The following CLIC5 variants were observed in gnomAD, a reference collection of about 807,000 sequenced individuals.
CLIC5 encodes chloride intracellular channel protein 5.
Under a neutral mutation model 24.7 loss-of-function variants are expected in CLIC5, and 20 were observed. That is an observed-to-expected ratio of 0.81 (90% CI 0.57 to 1.18). The LOEUF is 1.18. Ranked by LOEUF, CLIC5 falls within the 50% of genes most tolerant of loss-of-function variation. CLIC5 has a pLI of 0.00. For missense variants in CLIC5, 341 were observed against 326.1 expected, an observed-to-expected ratio of 1.05 and a Z score of -0.35; for synonymous variants, 159 against 135.6, an observed-to-expected ratio of 1.17 and a Z score of -1.20.
At chr6:45,978,057 T>C (rs755850416) in intron 1 of CLIC5, among the ~76,000 whole-genome samples, 49 of 152,192 alleles carry the variant, frequency 3.2e-4, no homozygotes, top group Non-Finnish European at 5.4e-4. Flanking sequence ...CTTACTAGGG[T>C]TGTAATCTTG....
the CLIC5 span, among the ~76,000 whole-genome samples, chr6:46,102,352 C>T: frequency 8.5e-5 from 13 of 152,216 alleles, no homozygotes; most frequent in Non-Finnish European, 1.5e-4. Flanking sequence ...AGCAGCGTTC[C>T]TTCCTTCTGG....
upstream of CLIC5, among the ~76,000 whole-genome samples, chr6:46,085,093 C>T (rs1265350314): frequency 2.0e-5 from 3 of 152,212 alleles, no homozygotes; most frequent in Non-Finnish European, 2.9e-5. Context: ...GCATTCTTCA[C>T]GTAGTTCTGG....
chr6:46,092,248 C>T, the CLIC5 span, among the ~76,000 whole-genome samples: 169 of 152,216 alleles, frequency 1.1e-3, no homozygotes, highest in East Asian at 4.2e-3. Context: ...CCAAAACCCA[C>T]GTTTTCACAC....
chr6:46,087,676 T>C, the CLIC5 span, among the ~76,000 whole-genome samples: 1 of 151,928 alleles, frequency 6.6e-6, no homozygotes, highest in Non-Finnish European at 1.5e-5. Context: ...CTCTAACACT[T>C]CTCTAGAACC....
At chr6:46,007,976 T>C (rs1766650889) in intron 1 of CLIC5, among the ~76,000 whole-genome samples, 1 of 151,880 alleles carries the variant, frequency 6.6e-6, no homozygotes, top group Non-Finnish European at 1.5e-5. Context: ...GCAATTTTGT[T>C]ACATGCATAG....
upstream of CLIC5, among the ~76,000 whole-genome samples, chr6:46,020,434 G>C (rs1448363761): frequency 6.6e-6 from 1 of 152,008 alleles, no homozygotes; most frequent in Non-Finnish European, 1.5e-5. Flanking sequence ...GCAACGCTTA[G>C]TAGAAATTTA....
At chr6:46,104,317 C>T in the CLIC5 span, among the ~76,000 whole-genome samples, 1 of 151,966 alleles carries the variant, frequency 6.6e-6, no homozygotes, top group Non-Finnish European at 1.5e-5. Context: ...TTGTCTCCAC[C>T]ATCTGGGGGG....
chr6:46,047,441 A>G lies in CLIC5; in HGVS notation c.540+32262T>C, dbSNP rs572944500. 2.0e-5 allele frequency among the ~76,000 whole-genome samples: 3 copies of G among 152,218 alleles called. No homozygotes were observed. In the South Asian group the frequency reaches 6.2e-4, roughly 32 times the overall value. On this transcript the variant is annotated intron_variant, in intron 1 of 5. Transcript: ENST00000185206. ...GAAATATGCAGGATATGAAGATTGA[A>G]ATTTGAAAGATATAGAGCTAGAAGC... is the stretch of plus-strand genomic sequence containing the variant.
At chr6:45,927,876 G>T (rs1344438500) in intron 4 of CLIC5, among the ~76,000 whole-genome samples, 1 of 152,080 alleles carries the variant, frequency 6.6e-6, no homozygotes, top group Non-Finnish European at 1.5e-5. Context: ...TGTTACAGGG[G>T]TCCCTTCCAA....
upstream of CLIC5, among the ~76,000 whole-genome samples, chr6:46,017,010 T>C (rs1025125864): frequency 6.6e-6 from 1 of 152,220 alleles, no homozygotes; most frequent in African/African-American, 2.4e-5. Context: ...CTATCAAACA[T>C]CTTTTGGTTG....
chr6:45,919,367 G>A (rs1361213), intron 4 of CLIC5, among the ~76,000 whole-genome samples: 1,785 of 152,258 alleles, frequency 0.012, 20 homozygotes, highest in Admixed American at 0.03. Flanking sequence ...TCCTTCCAGA[G>A]TAACCATGGG....
chr6:45,907,529 T>G (rs1176114700), intron 5 of CLIC5, among the ~76,000 whole-genome samples: 1 of 152,174 alleles, frequency 6.6e-6, no homozygotes, highest in Non-Finnish European at 1.5e-5. Flanking sequence ...ATCAGGGTGG[T>G]GCTAGCTTCA....
intron 1 of CLIC5, among the ~76,000 whole-genome samples, chr6:45,955,620 A>G (rs898040686): frequency 2.6e-5 from 4 of 152,060 alleles, no homozygotes; most frequent in African/African-American, 9.7e-5. Context: ...ATCTCCACTG[A>G]CCAGTCAGTT....
intron 3 of CLIC5, among the ~76,000 whole-genome samples, chr6:45,943,854 G>A (rs1184501451): frequency 6.6e-6 from 1 of 152,184 alleles, no homozygotes; most frequent in Non-Finnish European, 1.5e-5. Flanking sequence ...GTGTAGTGCA[G>A]TGTTCCATTT....
At chr6:45,958,439 T>TATATATATACACACACACACAC (rs1554151277) in intron 1 of CLIC5, among the ~76,000 whole-genome samples, 4 of 12,396 alleles carry the variant, frequency 3.2e-4, no homozygotes, top group African/African-American at 4.8e-4. Flanking sequence ...TATATATATA[T>TATATATATACACACACACACAC]ATATATATAT....
the CLIC5 span, among the ~76,000 whole-genome samples, chr6:46,090,370 G>A: frequency 2.7e-5 from 4 of 150,424 alleles, no homozygotes; most frequent in Admixed American, 6.6e-5. Flanking sequence ...TTAGGTCTAG[G>A]TCAGAGCTAG....
intron 1 of CLIC5, among the ~76,000 whole-genome samples, chr6:46,074,595 T>C (rs370665562): frequency 2.0e-5 from 3 of 152,340 alleles, no homozygotes; most frequent in East Asian, 3.9e-4. Context: ...CCTATAAGTG[T>C]TCTATCAGAG....
At chr6:46,003,527 A>G (rs1211591481) in intron 1 of CLIC5, among the ~76,000 whole-genome samples, 1 of 152,334 alleles carries the variant, frequency 6.6e-6, no homozygotes, top group Admixed American at 6.5e-5. Flanking sequence ...ACTATATAAA[A>G]TGACTGAGAT....
chr6:45,898,057 G>A (rs190868023), downstream of CLIC5, among the ~76,000 whole-genome samples: 534 of 151,704 alleles, frequency 3.5e-3, 8 homozygotes, highest in African/African-American at 0.012. Flanking sequence ...ATTTGCTTTT[G>A]ATTTTTTTGT....
Sources: gnomAD v4.1 joint callset for allele counts (sites outside exome capture counted in the v4.1 genomes callset) on GRCh38, gnomAD v4.1.1 for gene constraint, MANE v1.5 for transcripts, NCBI Gene and HGNC (gene_info 2026-07-23, HGNC 2026-07-21) for gene names.